The following LONP2 variants were observed in gnomAD, a reference collection of about 807,000 sequenced individuals.
The protein encoded by LONP2 is lon peptidase 2, peroxisomal.
Under a neutral mutation model 85.6 loss-of-function variants are expected in LONP2, and 60 were observed. That is an observed-to-expected ratio of 0.70 (90% CI 0.57 to 0.87). The LOEUF (loss-of-function observed/expected upper bound fraction) is 0.87, where lower values mean the gene tolerates loss of function less well. Among genes scored for constraint, LONP2 ranks in the 40% least tolerant of loss-of-function variants. The pLI, the probability that LONP2 is intolerant of heterozygous loss-of-function variation, is 0.00. For synonymous variants in LONP2, 395 were observed against 389.7 expected (o/e 1.01, Z -0.16); for missense variants, 860 against 1,063.5 (o/e 0.81, Z 2.66).
At chr16:48,280,377 A>G (rs1972300910) in intron 8 of LONP2, among the ~76,000 whole-genome samples, 1 of 152,230 alleles carries the variant, frequency 6.6e-6, no homozygotes, top group African/African-American at 2.4e-5. Flanking sequence ...CAGCTTTACA[A>G]GTAGTAGTAG....
rs186664787 is a variant in LONP2 at position 48,245,685 on chromosome 16, T to C, written c.233+1064T>C. Among the ~76,000 whole-genome samples, 228 of 152,328 alleles carry C rather than the reference T, an allele frequency of 1.5e-3. 1 individual carries two copies. The highest frequency in any genetic ancestry group is 2.0e-3 in the Non-Finnish European group (137 of 68,024). On this transcript the variant is annotated intron_variant, in intron 1 of 14. Transcript: ENST00000285737. ...CACGCCAGATTTTGAAAAAACTTTT[T>C]GATTAATACATTTTATATGGATTAA...
intron 14 of LONP2, among the ~76,000 whole-genome samples, chr16:48,348,608 T>C (rs1960046744): frequency 6.6e-6 from 1 of 151,612 alleles, no homozygotes; most frequent in Admixed American, 6.6e-5. Flanking sequence ...GATCCTCCTG[T>C]CTATCTCCCG....
At chr16:48,292,910 A>G (rs544220717) in intron 8 of LONP2, among the ~76,000 whole-genome samples, 1 of 152,282 alleles carries the variant, frequency 6.6e-6, no homozygotes, top group East Asian at 1.9e-4. Flanking sequence ...TTTTCTTTTA[A>G]CAAGCATCAC....
chr16:48,274,133 C>G (rs1972157455), intron 7 of LONP2, among the ~76,000 whole-genome samples: 1 of 152,126 alleles, frequency 6.6e-6, no homozygotes, highest in Admixed American at 6.6e-5. Context: ...CTCTCCAAAA[C>G]TTAGGTTTAT....
intron 6 of LONP2, among the ~76,000 whole-genome samples, chr16:48,266,504 C>T (rs890639357): frequency 4.6e-5 from 7 of 151,820 alleles, no homozygotes; most frequent in African/African-American, 1.7e-4. Context: ...TTTGATAATC[C>T]CTTCCTTCTT....
At chr16:48,325,454 T>G (rs1973350905) in intron 11 of LONP2, among the ~76,000 whole-genome samples, 3 of 152,228 alleles carry the variant, frequency 2.0e-5, no homozygotes, top group Admixed American at 1.3e-4. Flanking sequence ...ACTGTTCTAC[T>G]CTCTGTTTCT....
chr16:48,328,300 C>CT (rs1001896170), intron 11 of LONP2, among the ~76,000 whole-genome samples: 3 of 151,350 alleles, frequency 2.0e-5, no homozygotes, highest in Non-Finnish European at 4.4e-5. Context: ...AATCCCAGCA[C>CT]TTTGAGAGGC....
At chr16:48,310,035 C>G (rs986575634) in intron 11 of LONP2, among the ~76,000 whole-genome samples, 1 of 150,988 alleles carries the variant, frequency 6.6e-6, no homozygotes, top group Non-Finnish European at 1.5e-5. Context: ...TTGAATTGAT[C>G]CCTATGTCAT....
intron 11 of LONP2, among the ~76,000 whole-genome samples, chr16:48,321,139 C>T (rs1973254476): frequency 6.6e-6 from 1 of 152,150 alleles, no homozygotes; most frequent in African/African-American, 2.4e-5. Flanking sequence ...CCTGTCTCAG[C>T]CTCCTGAAGT....
chr16:48,339,371 T>C (rs1959750382), intron 12 of LONP2, among the ~76,000 whole-genome samples: 1 of 152,142 alleles, frequency 6.6e-6, no homozygotes, highest in Non-Finnish European at 1.5e-5. Flanking sequence ...ATGAAGGTTG[T>C]TGGTGACCTT....
chr16:48,247,464 G>GGTTAA (rs140055185), intron 1 of LONP2: 69 of 152,454 alleles, frequency 4.5e-4, no homozygotes, highest in Admixed American at 7.8e-4. Flanking sequence ...AGAGTGGCAG[G>GGTTAA]ATTAGATGTT....
At chr16:48,277,573 C>A in intron 8 of LONP2, 94 bp downstream of exon 8, 2 of 1,228,068 alleles carry the variant, frequency 1.6e-6, no homozygotes, top group Non-Finnish European at 2.2e-6. Flanking sequence ...AGTGGTGTAG[C>A]TTTAGTTATG....
At chr16:48,296,652 G>T (rs1972677936) in intron 9 of LONP2, among the ~76,000 whole-genome samples, 1 of 151,716 alleles carries the variant, frequency 6.6e-6, no homozygotes, top group African/African-American at 2.4e-5. Flanking sequence ...CCTTGAACCT[G>T]GGAAGGGGAG....
intron 7 of LONP2, among the ~76,000 whole-genome samples, chr16:48,273,183 A>G (rs1342833478): frequency 6.6e-6 from 1 of 152,170 alleles, no homozygotes; most frequent in Non-Finnish European, 1.5e-5. Context: ...GGAAAAAGAA[A>G]GCTGCTTTGT....
chr16:48,362,973 T>C lies in LONP2; in HGVS notation c.*1110T>C, dbSNP rs1357116370. 6.0e-6 allele frequency: 1 copy of C among 165,948 alleles called. No homozygotes were observed. The highest frequency in any genetic ancestry group is 1.5e-5 in the Non-Finnish European group (1 of 68,790). 10.3% of individuals were successfully genotyped at this position (165,948 alleles called of 1,614,324 possible). A position where few individuals can be genotyped will look rare whatever the true frequency, so the allele number is the denominator to read the frequency against. ...AGAAAAATTTATAAAGAATACAAAA[T>C]TTTTAAAATACAGTCTATAACAACT... On this transcript the variant is annotated 3_prime_UTR_variant, in exon 5 of 5. Transcript: ENST00000565867. The surrounding 1 kb of genome is among the most constrained non-coding windows in gnomAD (Gnocchi z 4.2).
At position 48,352,217 on chromosome 16, in the gene LONP2, T is replaced by A. The variant is rs758014242; in HGVS notation, c.*415T>A. On this transcript the variant is annotated 3_prime_UTR_variant, in exon 15 of 15. Coordinates refer to ENST00000285737, the MANE Select transcript of LONP2 (RefSeq NM_031490.5). The stretch of plus-strand genomic sequence containing the variant: ...CCTTCCAGGTAATTCTGCTGCACAC[T>A]CAAGTTCAGGAACCACCGGTATAGA... The A allele has an allele frequency of 2.6e-5, 5 of 192,420 alleles. No individual in the cohort carries two copies. The highest frequency in any genetic ancestry group is 1.1e-4 in the South Asian group (1 of 9,492). 11.9% of individuals were successfully genotyped at this position (192,420 alleles called of 1,614,324 possible). A position where few individuals can be genotyped will look rare whatever the true frequency, so the allele number is the denominator to read the frequency against.
At chr16:48,338,036 G>C (rs1391948663) in intron 12 of LONP2, among the ~76,000 whole-genome samples, 1 of 152,092 alleles carries the variant, frequency 6.6e-6, no homozygotes, top group African/African-American at 2.4e-5. Context: ...TCAAACTCCT[G>C]AGCTCAAGCC....
At position 48,262,839 on chromosome 16, in the gene LONP2, A is replaced by T. The variant is rs1187705947; in HGVS notation, c.949A>T (p.Met317Leu). ...YALTRNYLEL[M>L]VELPWNKSTT... Reference sequence around the variant, plus strand: ...TCTGACTAGAAATTATTTGGAACTTATGGTAGAACTTCCTTGGAACAAAAG... The same window carrying T: ...TCTGACTAGAAATTATTTGGAACTTTTGGTAGAACTTCCTTGGAACAAAAG... Residue 317 changes from methionine to leucine, a missense_variant, in exon 6 of 15, where the codon ATG becomes TTG. By Grantham distance (15) the Met-to-Leu change is conservative (BLOSUM62 2). Around this residue, in one of 3 missense-constraint regions of LONP2, gnomAD observed 743 missense variants for 917.3 expected, o/e 0.81. Coordinates refer to ENST00000285737, the MANE Select transcript of LONP2 (RefSeq NM_031490.5). 1.2e-6 allele frequency: 2 copies of T among 1,611,738 alleles called. No homozygotes were observed. The highest frequency in any genetic ancestry group is 1.7e-6 in the Non-Finnish European group (2 of 1,178,742).
intron 12 of LONP2, chr16:48,345,888 T>C (rs1428400978): frequency 6.6e-6 from 1 of 151,848 alleles, no homozygotes; most frequent in Non-Finnish European, 1.5e-5. Flanking sequence ...CTATTAAAAA[T>C]ACAAAAATTA....
Sources: allele counts gnomAD v4.1 joint callset (sites outside exome capture counted in the v4.1 genomes callset), GRCh38; gene constraint gnomAD v4.1.1; regional missense constraint gnomAD v4.1.1; non-coding constraint Gnocchi (gnomAD v3.1); transcripts MANE v1.5; gene names NCBI Gene and HGNC (gene_info 2026-07-23, HGNC 2026-07-21).